The following SUZ12 variants were observed in gnomAD, a reference collection of about 807,000 sequenced individuals.
SUZ12 encodes SUZ12 polycomb repressive complex 2 subunit.
In SUZ12, 17 loss-of-function variants were observed where a neutral mutation model predicts 87.3. That is an observed-to-expected ratio of 0.19 (90% CI 0.13 to 0.29). The LOEUF is 0.29. SUZ12 is among the 10% of genes least tolerant of loss of function. SUZ12 has a pLI of 1.00. For synonymous variants in SUZ12, 253 were observed against 312.4 expected (o/e 0.81, Z 2.01); for missense variants, 526 against 912.2 (o/e 0.58, Z 5.45).
intron 3 of SUZ12, among the ~76,000 whole-genome samples, chr17:31,944,796 T>C (rs1004240326): frequency 3.9e-5 from 6 of 152,174 alleles, no homozygotes; most frequent in African/African-American, 9.7e-5. Flanking sequence ...AAGTTTTTTG[T>C]CCTGGGTGCA....
rs750750010 is a variant in SUZ12, at chr17:31,975,595, T to C, written c.705T>C (p.Asn235=). The change falls in exon 7 of 16, where the codon AAT becomes AAC. Residue 235 remains asparagine, a synonymous_variant. Coordinates refer to ENST00000322652, the MANE Select transcript of SUZ12 (RefSeq NM_015355.4). ...TCCCGTCCCTTGCAGTTTCCAGTAA[T>C]GAATTTGAACCTAGTAACAGCCATA... ...GNFPSLAVSS[N]EFEPSNSHMV... The C allele has an allele frequency of 5.0e-6, 8 of 1,613,858 alleles. No individual in the cohort carries two copies. Among genetic ancestry groups the C allele is most frequent in the East Asian group, 2.2e-5 (1 of 44,878 alleles).
At chr17:31,962,640 T>C (rs506766) in intron 4 of SUZ12, among the ~76,000 whole-genome samples, 15,844 of 151,858 alleles carry the variant, frequency 0.1, 827 homozygotes, top group Middle Eastern at 0.15. Context: ...AGAGAAAATA[T>C]CCTCATTTTA....
chr17:31,973,969 T>C (rs1025613886), intron 6 of SUZ12, among the ~76,000 whole-genome samples: 6 of 152,100 alleles, frequency 3.9e-5, no homozygotes, highest in African/African-American at 1.2e-4. Context: ...CTCACACCTA[T>C]AATCCCAGCA....
intron 10 of SUZ12, among the ~76,000 whole-genome samples, chr17:31,989,827 T>G (rs1598185870): frequency 6.7e-6 from 1 of 150,340 alleles, no homozygotes; most frequent in Non-Finnish European, 1.5e-5. Context: ...GCCAGGATGG[T>G]CTCGATCTCC....
In SUZ12 at chr17:31,952,217, T is replaced by C. The variant is rs575370937; in HGVS notation, c.455+4532T>C. 2.6e-5 allele frequency among the ~76,000 whole-genome samples: 4 copies of C among 152,154 alleles called. No homozygotes were observed. The East Asian group carries it at 7.7e-4, about 29-fold the overall frequency. ...CTAGGACTACAGGTGCATGCCACCA[T>C]GCCTGGCTAATTTTTAAATTTTTGT... is the stretch of plus-strand genomic sequence containing the variant. On this transcript the variant is annotated intron_variant, in intron 4 of 15. Coordinates refer to ENST00000322652, the MANE Select transcript of SUZ12 (RefSeq NM_015355.4).
chr17:31,989,594 T>TTTTTTTG (rs1037548535), intron 10 of SUZ12, among the ~76,000 whole-genome samples: 8 of 89,784 alleles, frequency 8.9e-5, no homozygotes, highest in African/African-American at 2.6e-4. Context: ...TTTTTTTTTG[T>TTTTTTTG]TTTTTTTGTT....
intron 4 of SUZ12, among the ~76,000 whole-genome samples, chr17:31,952,972 A>C (rs1308985399): frequency 6.6e-6 from 1 of 152,210 alleles, no homozygotes; most frequent in Admixed American, 6.6e-5. Context: ...AGTGTTTACC[A>C]GGGCCAAACG....
chr17:31,977,190 T>G (rs188181379), intron 8 of SUZ12, among the ~76,000 whole-genome samples: 134 of 152,076 alleles, frequency 8.8e-4, no homozygotes, highest in African/African-American at 3.1e-3. Context: ...GTGGGAGGAT[T>G]GTTTGAGCCC....
intron 9 of SUZ12, 134 bp from the exon 10 acceptor site, chr17:31,988,186 T>G (rs775731404): frequency 1.4e-5 from 11 of 813,968 alleles, no homozygotes; most frequent in Non-Finnish European, 1.8e-5. Context: ...GCCGTCTCAG[T>G]CAGCATTTGG....
chr17:31,973,001 T>C, intron 5 of SUZ12, 145 bp from the exon 6 acceptor site: 1 of 586,230 alleles, frequency 1.7e-6, no homozygotes, highest in Non-Finnish European at 2.9e-6. Context: ...AGTTTGGAAC[T>C]GATTTGAGGA....
At chr17:31,958,722 T>G (rs1222907342) in intron 4 of SUZ12, among the ~76,000 whole-genome samples, 11 of 152,314 alleles carry the variant, frequency 7.2e-5, no homozygotes, top group Non-Finnish European at 2.9e-5. Flanking sequence ...GGCATGTGCC[T>G]GTATTTCTAG....
intron 4 of SUZ12, among the ~76,000 whole-genome samples, chr17:31,957,894 C>CTTTTTTT (rs1567818962): frequency 2.4e-5 from 3 of 123,284 alleles, no homozygotes; most frequent in African/African-American, 8.6e-5. Context: ...CACCTTTTGT[C>CTTTTTTT]CTTTTTTTTT....
At chr17:31,967,751 AG>A (rs1908184636) in intron 5 of SUZ12, among the ~76,000 whole-genome samples, 1 of 152,140 alleles carries the variant, frequency 6.6e-6, no homozygotes, top group Non-Finnish European at 1.5e-5. Context: ...CTGTAGTTCT[AG>A]GTACTTGGAA....
At position 31,993,296 on chromosome 17, in the gene SUZ12, C is replaced by T; in HGVS notation, c.1256C>T (p.Pro419Leu). The change falls in exon 11 of 16, where the codon CCA (proline) becomes CTA (leucine). Residue 419 changes from proline to leucine, a missense_variant. Physicochemically the swap from Pro to Leu is moderately conservative, Grantham distance 98 (BLOSUM62 -3). Transcript: ENST00000322652. ...DLQTRKEKDT[P>L]NENRQKLRIF... is the part of the protein sequence containing the mutation. ...CAAACAAGAAAAGAAAAGGATACTC[C>T]AAATGAAAACCGACAAAAATTAAGA... The T allele has an allele frequency of 6.3e-7, 1 of 1,586,628 alleles. No individual in the cohort carries two copies. The highest frequency in any genetic ancestry group is 1.2e-5 in the South Asian group (1 of 85,338).
At chr17:31,946,257 G>C (rs1396271518) in intron 3 of SUZ12, among the ~76,000 whole-genome samples, 1 of 151,982 alleles carries the variant, frequency 6.6e-6, no homozygotes, top group Admixed American at 6.6e-5. Flanking sequence ...TTTTTGGCCA[G>C]GCATGGTGGC....
chr17:31,983,642 G>A (rs764678971), intron 9 of SUZ12, among the ~76,000 whole-genome samples: 1 of 152,166 alleles, frequency 6.6e-6, no homozygotes, highest in African/African-American at 2.4e-5. Context: ...TCCTAGCTAT[G>A]TGGCGTTTGG....
chr17:31,981,421 G>T (rs1476525094), intron 8 of SUZ12, among the ~76,000 whole-genome samples: 1 of 152,164 alleles, frequency 6.6e-6, no homozygotes. Context: ...CAAAAAACTT[G>T]ATAAAGCACT....
chr17:31,951,168 AG>A (rs2142134682), intron 4 of SUZ12, among the ~76,000 whole-genome samples: 1 of 152,296 alleles, frequency 6.6e-6, no homozygotes, highest in South Asian at 2.1e-4. Context: ...ATATTCCTTT[AG>A]CACTGCCAAA....
At chr17:31,982,233 T>C (rs1468903863) in intron 8 of SUZ12, among the ~76,000 whole-genome samples, 4 of 152,196 alleles carry the variant, frequency 2.6e-5, no homozygotes, top group African/African-American at 9.7e-5. Flanking sequence ...TTCGTCATTA[T>C]AATAATCAGT....
Sources: gnomAD v4.1 joint callset for allele counts (sites outside exome capture counted in the v4.1 genomes callset) on GRCh38, gnomAD v4.1.1 for gene constraint, MANE v1.5 for transcripts, NCBI Gene and HGNC (gene_info 2026-07-23, HGNC 2026-07-21) for gene names.